Variants in ATXN1 observed in about 807,000 individuals in gnomAD.
The protein encoded by ATXN1 is ataxin 1, also known as ataxin-1.
ATXN1 carries 8 observed loss-of-function variants against 56.4 expected under a neutral mutation model. The ratio of observed to expected loss-of-function variants is 0.14; its 90% confidence interval spans 0.08 to 0.26. The LOEUF (loss-of-function observed/expected upper bound fraction) is 0.26, where lower values mean the gene tolerates loss of function less well. Among genes scored for constraint, ATXN1 ranks in the 10% least tolerant of loss-of-function variants. The probability of loss-of-function intolerance (pLI) is 1.00; values close to 1 mark genes in which losing one functional copy is unlikely to be tolerated. For synonymous variants in ATXN1, 514 were observed against 494.6 expected (o/e 1.04, Z -0.52); for missense variants, 987 against 1,106.5 (o/e 0.89, Z 1.53).
At chr6:16,700,615 G>A (rs950678445) in intron 2 of ATXN1, among the ~76,000 whole-genome samples, 5 of 152,058 alleles carry the variant, frequency 3.3e-5, no homozygotes, top group African/African-American at 7.2e-5. Flanking sequence ...TGCCATGGCC[G>A]ACCCAAACAA....
At chr6:16,315,244 A>C (rs1215328182) in intron 7 of ATXN1, among the ~76,000 whole-genome samples, 1 of 152,090 alleles carries the variant, frequency 6.6e-6, no homozygotes, top group Non-Finnish European at 1.5e-5. Flanking sequence ...ATGGTATCCC[A>C]TTCTTCCGGC....
intron 3 of ATXN1, among the ~76,000 whole-genome samples, chr6:16,603,170 T>G (rs1762942898): frequency 6.6e-6 from 1 of 152,172 alleles, no homozygotes. Context: ...TCTTACCAGT[T>G]TCTGAGAGCT....
intron 2 of ATXN1, among the ~76,000 whole-genome samples, chr6:16,663,221 G>A (rs145572815): frequency 3.3e-5 from 5 of 151,950 alleles, no homozygotes; most frequent in South Asian, 2.1e-4. Context: ...CACCCACCTC[G>A]GCCTCCCGAA....
intron 2 of ATXN1, among the ~76,000 whole-genome samples, chr6:16,752,468 C>A (rs1181974349): frequency 6.6e-6 from 1 of 152,070 alleles, no homozygotes; most frequent in Admixed American, 6.5e-5. Context: ...GCTTGGGAAC[C>A]TCTAATCTAG....
chr6:16,496,870 T>C (rs994577601), intron 5 of ATXN1, among the ~76,000 whole-genome samples: 3 of 152,106 alleles, frequency 2.0e-5, no homozygotes, highest in African/African-American at 7.2e-5. Context: ...CCATTTCTAT[T>C]AGGAGAAAGA....
At chr6:16,552,786 TG>T (rs1761945227) in intron 4 of ATXN1, among the ~76,000 whole-genome samples, 1 of 152,228 alleles carries the variant, frequency 6.6e-6, no homozygotes, top group Admixed American at 6.5e-5. Context: ...GTTTACCTGC[TG>T]GTCCATGTCA....
Position 16,742,096 on chromosome 6 carries a change from T to C in ATXN1, c.-615+11137A>G, listed in dbSNP as rs76095931. The stretch of plus-strand genomic sequence containing the variant: ...GTATGGAAAGAGATTTTTAAATAAA[T>C]AACCATGGCATTTTTTTCTTCTGTC... On this transcript the variant is annotated intron_variant, in intron 2 of 7. Coordinates refer to ENST00000436367, the MANE Select transcript of ATXN1 (RefSeq NM_001128164.2). Among the ~76,000 whole-genome samples the C allele has an allele frequency of 5.7e-3, 863 of 152,166 alleles. 7 individuals carry two copies. The highest frequency in any genetic ancestry group is 0.02 in the African/African-American group (833 of 41,508).
At position 16,631,931 on chromosome 6, in the gene ATXN1, G is replaced by GT. The variant is rs560463738; in HGVS notation, c.-489+25844dup. On this transcript the variant is annotated intron_variant, in intron 3 of 7. Coordinates refer to ENST00000436367, the MANE Select transcript of ATXN1 (RefSeq NM_001128164.2). ...AATAGGGCATGTGATGTTAGAGCTG[G>GT]TTTAGAATCCATGCTCCACTGCATC... Among the ~76,000 whole-genome samples the GT allele has an allele frequency of 4.7e-4, 72 of 152,310 alleles. 2 individuals carry two copies. Among genetic ancestry groups the GT allele is most frequent in the Non-Finnish European group, 4.4e-5 (3 of 68,024 alleles).
At chr6:16,631,960 G>A (rs1763512542) in intron 3 of ATXN1, among the ~76,000 whole-genome samples, 1 of 152,186 alleles carries the variant, frequency 6.6e-6, no homozygotes, top group South Asian at 2.1e-4. Context: ...CTGCATCGTA[G>A]CTATGGTGGG....
chr6:16,717,432 C>G (rs1475177956), intron 2 of ATXN1, among the ~76,000 whole-genome samples: 1 of 152,196 alleles, frequency 6.6e-6, no homozygotes, highest in African/African-American at 2.4e-5. Flanking sequence ...TGTTCCGATT[C>G]CCTGCTCACC....
Position 16,401,118 on chromosome 6 carries a change from T to C in ATXN1, c.-160-72648A>G, listed in dbSNP as rs559221339. Among the ~76,000 whole-genome samples the C allele has an allele frequency of 5.3e-5, 8 of 152,296 alleles. No homozygotes were observed. In the East Asian group the frequency reaches 1.3e-3, roughly 26 times the overall value. ...CCCACATATGCTAGTACCCCATTAA[T>C]TTTCTAAAACTCATCCTTGAAACCT... On this transcript the variant is annotated intron_variant, in intron 6 of 7. Coordinates refer to ENST00000436367, the MANE Select transcript of ATXN1 (RefSeq NM_001128164.2).
intron 4 of ATXN1, among the ~76,000 whole-genome samples, chr6:16,552,416 G>A (rs1343781714): frequency 6.6e-6 from 1 of 152,192 alleles, no homozygotes; most frequent in Admixed American, 6.5e-5. Context: ...TCCTTCTGCT[G>A]CTTCAAAAGA....
Position 16,451,610 on chromosome 6 carries a change from C to A in ATXN1, c.-161+34362G>T, listed in dbSNP as rs373146910. ...ATCTCTGCTAAAAATGTAAAATTAGCCGGGCGTGGTGGCACATGCCTGTAA... is the reference window on the plus strand; with the variant it reads ...ATCTCTGCTAAAAATGTAAAATTAGACGGGCGTGGTGGCACATGCCTGTAA... On this transcript the variant is annotated intron_variant, in intron 6 of 7. Transcript: ENST00000436367. Among the ~76,000 whole-genome samples the A allele has an allele frequency of 4.9e-4, 74 of 152,118 alleles. 1 individual carries two copies. In the South Asian group the frequency reaches 6.6e-3, roughly 14 times the overall value.
rs1427169267 is a variant in ATXN1, at chr6:16,522,628, C to T, written c.-300G>A. The T allele has an allele frequency of 1.3e-5, 2 of 152,142 alleles. No individual in the cohort carries two copies. Among genetic ancestry groups the T allele is most frequent in the Non-Finnish European group, 2.9e-5 (2 of 68,020 alleles). 9.4% of individuals were successfully genotyped at this position (152,142 alleles called of 1,614,324 possible). A position where few individuals can be genotyped will look rare whatever the true frequency, so the allele number is the denominator to read the frequency against. On this transcript the variant is annotated splice_region_variant and 5_prime_UTR_variant, in exon 5 of 8. The change abolishes the stop of an existing upstream ORF in the 5' untranslated region. Coordinates refer to ENST00000436367, the MANE Select transcript of ATXN1 (RefSeq NM_001128164.2). ...TGAAAGATTCAAAGGATCACTCACC[C>T]TATGAAAACAGCACGTCGATTTCTT...
At chr6:16,618,677 G>A (rs184113477) in intron 3 of ATXN1, among the ~76,000 whole-genome samples, 220 of 148,904 alleles carry the variant, frequency 1.5e-3, no homozygotes, top group African/African-American at 4.9e-3. Context: ...AGCCAAGATC[G>A]TGCCACTGCA....
rs1760877427 is a variant in ATXN1, at chr6:16,327,895, T to G, written c.416A>C (p.Tyr139Ser). ...FIGSSQYSGT[Y>S]ASFIPSQLIP... ...CAGCTGTGATGGGATGAAGCTGGCA[T>G]AGGTTCCACTGTATTGGGAGGACCC... The change falls in exon 7 of 8, where the codon TAT (tyrosine) becomes TCT (serine). Residue 139 changes from tyrosine to serine, a missense_variant. Transcript: ENST00000436367. 6.2e-7 allele frequency: 1 copy of G among 1,608,028 alleles called. No homozygotes were observed.
chr6:16,726,114 C>T (rs185430871), intron 2 of ATXN1, among the ~76,000 whole-genome samples: 1 of 152,318 alleles, frequency 6.6e-6, no homozygotes, highest in Non-Finnish European at 1.5e-5. Flanking sequence ...GGCACAGTGG[C>T]TCATGCCTGT....
At chr6:16,576,486 C>G (rs1392950697) in intron 4 of ATXN1, among the ~76,000 whole-genome samples, 2 of 152,210 alleles carry the variant, frequency 1.3e-5, no homozygotes, top group Non-Finnish European at 2.9e-5. Context: ...AATCTGTATT[C>G]AGACACTTAT....
chr6:16,677,178 T>C (rs1234042561), intron 2 of ATXN1, among the ~76,000 whole-genome samples: 1 of 152,012 alleles, frequency 6.6e-6, no homozygotes, highest in African/African-American at 2.4e-5. Context: ...ACGGTGTGAA[T>C]CAAGGGGAAT....
Sources: gnomAD v4.1 joint callset for allele counts (sites outside exome capture counted in the v4.1 genomes callset) on GRCh38, gnomAD v4.1.1 for gene constraint, MANE v1.5 for transcripts, NCBI Gene and HGNC (gene_info 2026-07-23, HGNC 2026-07-21) for gene names.